The following APPBP2 variants were observed in gnomAD, a reference collection of about 807,000 sequenced individuals.
APPBP2 encodes the protein amyloid beta precursor protein binding protein 2, also known as amyloid protein-binding protein 2.
APPBP2 carries 15 observed loss-of-function variants against 76.0 expected under a neutral mutation model. The ratio of observed to expected loss-of-function variants is 0.20; its 90% confidence interval spans 0.13 to 0.30. The LOEUF (loss-of-function observed/expected upper bound fraction) is 0.30, where lower values mean the gene tolerates loss of function less well. Among genes scored for constraint, APPBP2 ranks in the 10% least tolerant of loss-of-function variants. The pLI is 1.00. For synonymous variants in APPBP2, 222 were observed against 242.2 expected (o/e 0.92, Z 0.77); for missense variants, 401 against 687.2 (o/e 0.58, Z 4.66).
At chr17:60,492,087 G>A (rs978098736) in intron 3 of APPBP2, among the ~76,000 whole-genome samples, 11 of 152,144 alleles carry the variant, frequency 7.2e-5, no homozygotes, top group African/African-American at 9.7e-5. Flanking sequence ...AGGGACCAAC[G>A]TACAGCTTAG....
At chr17:60,476,034 A>T (rs1451064460) in intron 4 of APPBP2, among the ~76,000 whole-genome samples, 1 of 152,260 alleles carries the variant, frequency 6.6e-6, no homozygotes, top group Non-Finnish European at 1.5e-5. Context: ...TCTGAGCAGC[A>T]GGGTTATAGA....
At chr17:60,483,398 GTTTC>G (rs1312122119) in intron 3 of APPBP2, among the ~76,000 whole-genome samples, 1 of 152,016 alleles carries the variant, frequency 6.6e-6, no homozygotes, top group Non-Finnish European at 1.5e-5. Flanking sequence ...TCTGATGACA[GTTTC>G]TTTTTTTTTG....
At position 60,525,983 on chromosome 17, in the gene APPBP2, A is replaced by AAGGCCCCCG; in HGVS notation, c.-53_-52insCGGGGGCCT. ...CCGCCTCCTCCTCCCGAAGGCCCCC[A>AAGGCCCCCG]CCTCCCTCCGTAGCGAACCCCTCTG... On this transcript the variant is annotated 5_prime_UTR_variant, in exon 1 of 13. Coordinates refer to ENST00000083182, the MANE Select transcript of APPBP2 (RefSeq NM_006380.5). The AAGGCCCCCG allele has an allele frequency of 6.6e-7, 1 of 1,510,436 alleles. No homozygotes were observed. The highest frequency in any genetic ancestry group is 1.4e-5 in the African/African-American group (1 of 72,060). The allele number at this position is 1,510,436 out of a possible 1,614,324, so 93.6% of individuals were successfully genotyped here. A position where few individuals can be genotyped will look rare whatever the true frequency, so the allele number is the denominator to read the frequency against.
chr17:60,474,632 A>C (rs940324771), intron 4 of APPBP2, among the ~76,000 whole-genome samples: 2 of 152,174 alleles, frequency 1.3e-5, no homozygotes, highest in African/African-American at 4.8e-5. Flanking sequence ...TTTGGGACCA[A>C]TCATGTTTCA....
chr17:60,513,467 G>A, intron 1 of APPBP2: 1 of 591,658 alleles, frequency 1.7e-6, no homozygotes, highest in South Asian at 1.9e-5. Context: ...ATGCCAACAG[G>A]GCATTTCAGA....
chr17:60,468,935 T>C (rs2090530737), intron 4 of APPBP2, among the ~76,000 whole-genome samples: 1 of 152,208 alleles, frequency 6.6e-6, no homozygotes. Context: ...AGTTTACTAA[T>C]ATATTTACCA....
intron 2 of APPBP2, among the ~76,000 whole-genome samples, chr17:60,498,786 AG>A (rs2090798099): frequency 6.6e-6 from 1 of 152,182 alleles, no homozygotes; most frequent in South Asian, 2.1e-4. Flanking sequence ...AAGACAAGAC[AG>A]GGGTTCTGGT....
At chr17:60,472,200 T>C (rs920810580) in intron 4 of APPBP2, among the ~76,000 whole-genome samples, 6 of 152,178 alleles carry the variant, frequency 3.9e-5, no homozygotes, top group Non-Finnish European at 8.8e-5. Context: ...TTAGGAAGTG[T>C]TCCTTCCTCT....
At position 60,479,717 on chromosome 17, in the gene APPBP2, T is replaced by C. The variant is rs74907263; in HGVS notation, c.380-446A>G. On this transcript the variant is annotated intron_variant, in intron 3 of 12. Coordinates refer to ENST00000083182, the MANE Select transcript of APPBP2 (RefSeq NM_006380.5). ...GATCCTTAATCGATTATCTTATTATTTTTTTAAACAAGAAATTACTGTCCT... is the reference window on the plus strand; with the variant it reads ...GATCCTTAATCGATTATCTTATTATCTTTTTAAACAAGAAATTACTGTCCT... 9.0e-4 allele frequency among the ~76,000 whole-genome samples: 137 copies of C among 152,344 alleles called. 1 individual carries two copies. Among genetic ancestry groups the C allele is most frequent in the Non-Finnish European group, 1.6e-3 (109 of 68,028 alleles).
chr17:60,452,699 T>C (rs540459615), intron 11 of APPBP2, among the ~76,000 whole-genome samples: 2 of 152,208 alleles, frequency 1.3e-5, no homozygotes, highest in African/African-American at 4.8e-5. Context: ...GGCAGGCAGA[T>C]TGCTTGAGCC....
At chr17:60,479,355 T>A in intron 3 of APPBP2, 84 bp from the exon 4 acceptor site, 1 of 1,343,730 alleles carries the variant, frequency 7.4e-7, no homozygotes, top group African/African-American at 1.5e-5. Context: ...GAATATTACC[T>A]AAATTAAAAA....
Position 60,525,836 on chromosome 17 carries a change from G to A in APPBP2, c.96C>T (p.Ile32=), listed in dbSNP as rs1052640798. 2.5e-5 allele frequency: 40 copies of A among 1,614,132 alleles called. No homozygotes were observed. In the Middle Eastern group the frequency reaches 6.6e-4, roughly 27 times the overall value. ...ACTGGATGTTCTCGGGCAAGGAGCG[G>A]ATGTCTCGGCGGGAGCGGATGTAGT... ...VDNYIRSRRD[I]RSLPENIQFD... The change falls in exon 1 of 13, where the codon ATC becomes ATT. Residue 32 remains isoleucine (I), a synonymous_variant. Coordinates refer to ENST00000083182, the MANE Select transcript of APPBP2 (RefSeq NM_006380.5).
At chr17:60,495,639 A>AT (rs1434667954) in intron 2 of APPBP2, among the ~76,000 whole-genome samples, 4 of 151,316 alleles carry the variant, frequency 2.6e-5, no homozygotes, top group East Asian at 3.9e-4. Flanking sequence ...CCCTGCTATA[A>AT]TTTTTTTTGA....
intron 1 of APPBP2, among the ~76,000 whole-genome samples, chr17:60,504,115 T>A (rs2090846091): frequency 6.6e-6 from 1 of 152,218 alleles, no homozygotes; most frequent in Non-Finnish European, 1.5e-5. Flanking sequence ...CCAGTAATGA[T>A]TCTCATATAA....
chr17:60,491,596 C>T (rs994259601), intron 3 of APPBP2, among the ~76,000 whole-genome samples: 1 of 152,024 alleles, frequency 6.6e-6, no homozygotes, highest in African/African-American at 2.4e-5. Flanking sequence ...AGGCACCCGC[C>T]AACAGGCCCG....
rs867389626 is a variant in APPBP2 at position 60,447,759 on chromosome 17, A to G, written c.1580T>C (p.Ile527Thr). ...TTCAAACACTTTCTCGTAATTTCCA[A>G]TGGAGTTGTAAAGTTTAATGAGACC... is the stretch of plus-strand genomic sequence containing the variant. ...YRGLIKLYNSIGNYEKVFEYH... is the reference protein window; with the variant it reads ...YRGLIKLYNSTGNYEKVFEYH... Residue 527 changes from isoleucine (I) to threonine (T), a missense_variant, in exon 13 of 13, where the codon ATT becomes ACT. Around this residue, in one of 5 missense-constraint regions of APPBP2, gnomAD observed 56 missense variants for 76.5 expected, o/e 0.73. Transcript: ENST00000083182. 5.0e-6 allele frequency: 8 copies of G among 1,613,948 alleles called. No homozygotes were observed. The African/African-American group carries it at 6.7e-5, about 13-fold the overall frequency.
chr17:60,447,465 G>A lies in APPBP2; in HGVS notation c.*116C>T, dbSNP rs529738485. 2.8e-4 allele frequency: 347 copies of A among 1,220,626 alleles called. 3 individuals carry two copies. The South Asian group carries it at 4.9e-3, about 17-fold the overall frequency. 75.6% of individuals were successfully genotyped at this position (1,220,626 alleles called of 1,614,324 possible). The stretch of plus-strand genomic sequence containing the variant: ...GATCACCCAAAATAGGGTCTTCAAT[G>A]GACTGGACCAGTGTTTCAATGCAAA... On this transcript the variant is annotated 3_prime_UTR_variant, in exon 13 of 13. Coordinates refer to ENST00000083182, the MANE Select transcript of APPBP2 (RefSeq NM_006380.5).
At chr17:60,466,595 C>A in intron 4 of APPBP2, 136 bp from the exon 5 acceptor site, 2 of 845,736 alleles carry the variant, frequency 2.4e-6, no homozygotes, top group East Asian at 2.6e-5. Flanking sequence ...AGTGTGTGGC[C>A]CAAATTGGAG....
At chr17:60,501,660 G>A (rs1247335935) in intron 1 of APPBP2, among the ~76,000 whole-genome samples, 1 of 152,076 alleles carries the variant, frequency 6.6e-6, no homozygotes, top group Non-Finnish European at 1.5e-5. Flanking sequence ...ATTTACACAT[G>A]CTATATAAAT....
Sources: allele counts gnomAD v4.1 joint callset (sites outside exome capture counted in the v4.1 genomes callset), GRCh38; gene constraint gnomAD v4.1.1; regional missense constraint gnomAD v4.1.1; transcripts MANE v1.5; gene names NCBI Gene and HGNC (gene_info 2026-07-23, HGNC 2026-07-21).